FER1L6: variants seen among roughly 807,000 people sequenced by gnomAD.
The protein encoded by FER1L6 is fer-1-like protein 6.
FER1L6 carries 177 observed loss-of-function variants against 219.2 expected under a neutral mutation model. That is an observed-to-expected ratio of 0.81 (90% CI 0.71 to 0.91). The LOEUF is 0.91. Among genes scored for constraint, FER1L6 ranks in the 40% least tolerant of loss-of-function variants. FER1L6 has a pLI of 0.00. For synonymous variants in FER1L6, 768 were observed against 824.3 expected, an observed-to-expected ratio of 0.93 and a Z score of 1.17; for missense variants, 2,153 against 2,259.9, an observed-to-expected ratio of 0.95 and a Z score of 0.96.
chr8:124,049,580 T>C (rs1819905969), intron 21 of FER1L6, 27 bp from the exon 22 acceptor site: 2 of 1,612,848 alleles, frequency 1.2e-6, no homozygotes, highest in Non-Finnish European at 1.7e-6. Flanking sequence ...GATCAGGAAA[T>C]ACAAACTCAT....
At chr8:123,897,876 A>G (rs1345362806) in intron 1 of FER1L6, among the ~76,000 whole-genome samples, 1 of 152,194 alleles carries the variant, frequency 6.6e-6, no homozygotes, top group Non-Finnish European at 1.5e-5. Context: ...GTTAGGCTTT[A>G]TGGGACATTT....
chr8:124,009,576 G>A (rs2130551610), intron 13 of FER1L6, among the ~76,000 whole-genome samples: 1 of 151,728 alleles, frequency 6.6e-6, no homozygotes, highest in African/African-American at 2.4e-5. Flanking sequence ...CTAATTTAAG[G>A]ATCATGAAAC....
intron 15 of FER1L6, among the ~76,000 whole-genome samples, chr8:124,016,925 G>A (rs1277652958): frequency 2.0e-5 from 3 of 152,042 alleles, no homozygotes; most frequent in Non-Finnish European, 4.4e-5. Context: ...TTTGATAGGT[G>A]CTATCAAATA....
chr8:124,026,710 AT>A lies in FER1L6; in HGVS notation c.2286+3125del, dbSNP rs10557059. Among the ~76,000 whole-genome samples, 543 of 151,236 alleles carry A rather than the reference AT, an allele frequency of 3.6e-3. 2 individuals are homozygous for A. The highest frequency in any genetic ancestry group is 0.012 in the African/African-American group (503 of 41,344). On this transcript the variant is annotated intron_variant, in intron 18 of 40. Coordinates refer to ENST00000522917, the MANE Select transcript of FER1L6 (RefSeq NM_001039112.2). ...ACCTCAAGAGTTTACTATAGATGTGATTTTTTTTTTTAAATGTTGCAGACAG... is the reference window on the plus strand; with the variant it reads ...ACCTCAAGAGTTTACTATAGATGTGATTTTTTTTTTAAATGTTGCAGACAG...
intron 1 of FER1L6, among the ~76,000 whole-genome samples, chr8:123,883,237 G>A (rs1405488842): frequency 6.6e-6 from 1 of 152,200 alleles, no homozygotes; most frequent in African/African-American, 2.4e-5. Context: ...TGTGGCATTT[G>A]CATTCCCTGT....
chr8:123,912,405 G>A (rs1399361246), intron 1 of FER1L6, among the ~76,000 whole-genome samples: 1 of 152,084 alleles, frequency 6.6e-6, no homozygotes, highest in Non-Finnish European at 1.5e-5. Flanking sequence ...GCACCTATAA[G>A]GTTTTGCACC....
At chr8:123,865,411 G>A (rs868351478) in intron 1 of FER1L6, among the ~76,000 whole-genome samples, 1 of 150,690 alleles carries the variant, frequency 6.6e-6, no homozygotes, top group South Asian at 2.1e-4. Flanking sequence ...ATTTAAGTCT[G>A]CAGAGGTTAC....
intron 1 of FER1L6, among the ~76,000 whole-genome samples, chr8:123,952,204 G>C (rs1814801131): frequency 6.6e-6 from 1 of 152,340 alleles, no homozygotes; most frequent in East Asian, 1.9e-4. Flanking sequence ...GAACAGAAGA[G>C]GAGCCTGGAG....
At chr8:123,977,394 T>C (rs750868288) in intron 9 of FER1L6, 23 bp from the exon 10 acceptor site, 103 of 1,605,300 alleles carry the variant, frequency 6.4e-5, no homozygotes, top group Non-Finnish European at 7.9e-5. Context: ...CCATGACTCA[T>C]GTCCTCCTGG....
chr8:124,044,812 C>G (rs1336129740), intron 20 of FER1L6, among the ~76,000 whole-genome samples: 3 of 152,194 alleles, frequency 2.0e-5, no homozygotes, highest in Non-Finnish European at 2.9e-5. Flanking sequence ...TTCCAAACAT[C>G]CAATTAAATA....
chr8:124,000,925 C>T (rs865823866), intron 12 of FER1L6, among the ~76,000 whole-genome samples: 17 of 152,092 alleles, frequency 1.1e-4, no homozygotes, highest in African/African-American at 3.9e-4. Context: ...GGCAGAGGGA[C>T]CCAGGAGGGT....
intron 39 of FER1L6, among the ~76,000 whole-genome samples, chr8:124,113,556 C>T (rs1823107265): frequency 6.6e-6 from 1 of 152,074 alleles, no homozygotes; most frequent in African/African-American, 2.4e-5. Flanking sequence ...AAAAGAATGC[C>T]CTATTGCCCC....
chr8:123,901,845 G>A (rs1310295749), intron 1 of FER1L6, among the ~76,000 whole-genome samples: 1 of 151,534 alleles, frequency 6.6e-6, no homozygotes, highest in Non-Finnish European at 1.5e-5. Context: ...CAGCCTCCCA[G>A]GTAGCTGGGA....
chr8:124,112,465 G>A (rs954932654), intron 39 of FER1L6, among the ~76,000 whole-genome samples: 7 of 152,158 alleles, frequency 4.6e-5, no homozygotes, highest in Admixed American at 1.3e-4. Context: ...CATGTTCTTC[G>A]TGAAGCACAT....
At position 124,060,212 on chromosome 8, in the gene FER1L6, C is replaced by CTTG; in HGVS notation, c.2907_2908insTTG (p.Pro969_Val970insLeu). The CTTG allele has an allele frequency of 6.2e-7, 1 of 1,613,510 alleles. No individual in the cohort carries two copies. Among genetic ancestry groups the CTTG allele is most frequent in the Non-Finnish European group, 8.5e-7 (1 of 1,179,840 alleles). On this transcript the variant is annotated inframe_insertion, in exon 23 of 41. Transcript: ENST00000522917. ...CTTCTGGGCTGCAAGGCCTCCCACC[C>CTTG]GTTGAGCCACCAGACATCACCCAGA...
At chr8:123,938,884 T>C (rs1343782946) in intron 1 of FER1L6, among the ~76,000 whole-genome samples, 1 of 152,186 alleles carries the variant, frequency 6.6e-6, no homozygotes, top group Non-Finnish European at 1.5e-5. Context: ...ATTTCAAATA[T>C]CCAAAAGTAT....
intron 1 of FER1L6, among the ~76,000 whole-genome samples, chr8:123,857,597 T>C (rs79186340): frequency 2.0e-5 from 3 of 152,192 alleles, no homozygotes; most frequent in Non-Finnish European, 4.4e-5. Context: ...AGTACTAACC[T>C]GTTAGGAATG....
intron 1 of FER1L6, among the ~76,000 whole-genome samples, chr8:123,920,450 G>A (rs1477177741): frequency 2.0e-5 from 3 of 152,228 alleles, no homozygotes; most frequent in African/African-American, 7.2e-5. Flanking sequence ...GGGCTGTGAT[G>A]AAGAACCGCG....
At chr8:123,914,256 G>A (rs1813123556) in intron 1 of FER1L6, among the ~76,000 whole-genome samples, 1 of 152,120 alleles carries the variant, frequency 6.6e-6, no homozygotes, top group African/African-American at 2.4e-5. Flanking sequence ...TGACCTTATT[G>A]GTGTGTTTTC....
Sources: allele counts gnomAD v4.1 joint callset (sites outside exome capture counted in the v4.1 genomes callset), GRCh38; gene constraint gnomAD v4.1.1; transcripts MANE v1.5; gene names NCBI Gene and HGNC (gene_info 2026-07-23, HGNC 2026-07-21).